PRDM16: variants seen among roughly 807,000 people sequenced by gnomAD.
PRDM16 encodes the protein histone-lysine N-methyltransferase PRDM16.
In PRDM16, 23 loss-of-function variants were observed where a neutral mutation model predicts 110.6. That is an observed-to-expected ratio of 0.21 (90% CI 0.15 to 0.29). The LOEUF is 0.29. Among genes scored for constraint, PRDM16 ranks in the 10% least tolerant of loss-of-function variants. The pLI is 1.00. For synonymous variants in PRDM16, 799 were observed against 781.8 expected, an observed-to-expected ratio of 1.02 and a Z score of -0.37; for missense variants, 1,615 against 1,794.3, an observed-to-expected ratio of 0.90 and a Z score of 1.81.
chr1:3,296,348 C>G (rs1203548613), intron 3 of PRDM16, among the ~76,000 whole-genome samples: 2 of 152,224 alleles, frequency 1.3e-5, no homozygotes, highest in African/African-American at 4.8e-5. Flanking sequence ...CAGGGAGCTG[C>G]AGAAATGGAC....
Position 3,375,570 on chromosome 1 carries a change from G to A in PRDM16, c.439-9582G>A, listed in dbSNP as rs577335036. On this transcript the variant is annotated intron_variant, in intron 3 of 16. Transcript: ENST00000270722. ...CTGCTGGGAGAGCAGTGACGGGGCC[G>A]AGTTTGGGGACATACCAGGAGCACG... Among the ~76,000 whole-genome samples, 10 of 152,344 alleles carry A rather than the reference G, an allele frequency of 6.6e-5. No homozygotes were observed. The East Asian group carries it at 1.4e-3, about 21-fold the overall frequency.
At chr1:3,299,626 A>G (rs76062426) in intron 3 of PRDM16, among the ~76,000 whole-genome samples, 13 of 66,222 alleles carry the variant, frequency 2.0e-4, no homozygotes, top group African/African-American at 3.1e-4. Context: ...GATCCCAGTC[A>G]TGGTGACTCT....
At chr1:3,268,912 A>G (rs1270120745) in intron 3 of PRDM16, among the ~76,000 whole-genome samples, 2 of 152,096 alleles carry the variant, frequency 1.3e-5, no homozygotes, top group Non-Finnish European at 2.9e-5. Flanking sequence ...CAGCTGCTGT[A>G]TTTTCATTTC....
intron 2 of PRDM16, among the ~76,000 whole-genome samples, chr1:3,238,732 G>T (rs186308726): frequency 1.3e-4 from 20 of 152,304 alleles, no homozygotes; most frequent in African/African-American, 4.6e-4. Context: ...CCTGGCCGGG[G>T]TTCAGGTGCA....
chr1:3,337,113 GCCTC>G (rs1490368565), intron 3 of PRDM16, among the ~76,000 whole-genome samples: 49 of 150,908 alleles, frequency 3.2e-4, no homozygotes, highest in African/African-American at 8.1e-4. Context: ...GTTGGTGTGA[GCCTC>G]TGTGTGAATG....
Position 3,437,028 on chromosome 1 carries a change from C to G in PRDM16, c.*3217C>G, listed in dbSNP as rs557119546. 15 of 233,068 alleles carry G rather than the reference C, an allele frequency of 6.4e-5. No individual in the cohort carries two copies. The highest frequency in any genetic ancestry group is 3.1e-4 in the African/African-American group (14 of 45,444). The allele number at this position is 233,068 out of a possible 1,614,324, so 14.4% of individuals were successfully genotyped here. ...CCTGCTCTCATCCCCAGGTTGGGCA[C>G]GTGGGGTTCCTCCTCTGTGGGCCTG... is the stretch of plus-strand genomic sequence containing the variant. On this transcript the variant is annotated 3_prime_UTR_variant, in exon 17 of 17. Transcript: ENST00000270722.
At position 3,290,105 on chromosome 1, in the gene PRDM16, T is replaced by A. The variant is rs917181657; in HGVS notation, c.438+45968T>A. Among the ~76,000 whole-genome samples the A allele has an allele frequency of 1.3e-5, 2 of 152,204 alleles. No homozygotes were observed. Among genetic ancestry groups the A allele is most frequent in the Non-Finnish European group, 2.9e-5 (2 of 68,040 alleles). On this transcript the variant is annotated intron_variant, in intron 3 of 16. Coordinates refer to ENST00000270722, the MANE Select transcript of PRDM16 (RefSeq NM_022114.4). This position sits in a 1 kb window ranked among gnomAD's most constrained non-coding sequence, Gnocchi z 4.8. ...CAGGGTGTTTTTCCTGAATGAAAAC[T>A]CACAGAGTGCATGTGTCATGCTGAT...
chr1:3,190,312 C>G lies in PRDM16; in HGVS notation c.387+3838C>G, dbSNP rs1226766595. On this transcript the variant is annotated intron_variant, in intron 2 of 16. Transcript: ENST00000270722. This position sits in a 1 kb window ranked among gnomAD's most constrained non-coding sequence, Gnocchi z 5.0. ...GGGGCAGCCTTACTTTAAGTGGGAG[C>G]TTTCCGTTAGCAACGCAGGAATGAG... Among the ~76,000 whole-genome samples, 1 of 152,102 alleles carries G rather than the reference C, an allele frequency of 6.6e-6. No individual in the cohort carries two copies. Among genetic ancestry groups the G allele is most frequent in the African/African-American group, 2.4e-5 (1 of 41,412 alleles).
Position 3,186,422 on chromosome 1 carries a change from C to A in PRDM16, c.335C>A (p.Pro112His). 1 of 1,581,072 alleles carries A rather than the reference C, an allele frequency of 6.3e-7. No homozygotes were observed. Among genetic ancestry groups the A allele is most frequent in the East Asian group, 2.2e-5 (1 of 44,494 alleles). ...RKMEAGERLG[P>H]CVVVPRAAAK... Reference sequence around the variant, plus strand: ...ATGGAAGCCGGGGAGAGGCTGGGCCCCTGCGTGGTGGTGCCCCGGGCGGCG... The same window carrying A: ...ATGGAAGCCGGGGAGAGGCTGGGCCACTGCGTGGTGGTGCCCCGGGCGGCG... The change falls in exon 2 of 17, where the codon CCC becomes CAC. Residue 112 changes from proline (P) to histidine (H), a missense_variant. Coordinates refer to ENST00000270722, the MANE Select transcript of PRDM16 (RefSeq NM_022114.4).
chr1:3,349,281 A>G (rs975951007), intron 3 of PRDM16, among the ~76,000 whole-genome samples: 1 of 152,108 alleles, frequency 6.6e-6, no homozygotes, highest in Non-Finnish European at 1.5e-5. Flanking sequence ...AGCTGGTGTC[A>G]GGGAGGAGGT....
chr1:3,364,095 G>A (rs539465885), intron 3 of PRDM16, among the ~76,000 whole-genome samples: 6 of 152,196 alleles, frequency 3.9e-5, no homozygotes, highest in African/African-American at 9.6e-5. Flanking sequence ...AGAAACTGCT[G>A]GATGAGATGC....
intron 2 of PRDM16, among the ~76,000 whole-genome samples, chr1:3,193,067 ATGGTGAGTACTGAG>A (rs1472273725): frequency 3.3e-5 from 5 of 151,570 alleles, no homozygotes; most frequent in Non-Finnish European, 7.4e-5. Context: ...CAGCGGCCAG[ATGGTGAGTACTGAG>A]CAGACGCAGC....
chr1:3,385,741 G>A (rs941998326), intron 4 of PRDM16, among the ~76,000 whole-genome samples: 48 of 149,452 alleles, frequency 3.2e-4, no homozygotes, highest in African/African-American at 1.2e-3. Flanking sequence ...CAGCCACTCG[G>A]GGGGCCTCCT....
chr1:3,404,457 G>T (rs1221727647), intron 6 of PRDM16, among the ~76,000 whole-genome samples: 1 of 152,264 alleles, frequency 6.6e-6, no homozygotes, highest in African/African-American at 2.4e-5. Flanking sequence ...TGTGGGCCGG[G>T]GTCCGGCACT....
intron 1 of PRDM16, among the ~76,000 whole-genome samples, chr1:3,129,381 G>A (rs895979415): frequency 5.6e-5 from 7 of 125,490 alleles, no homozygotes; most frequent in South Asian, 5.6e-4. Context: ...GTGTGGGTGC[G>A]TGTGCACGTG....
chr1:3,434,149 C>T lies in PRDM16; in HGVS notation c.*338C>T, dbSNP rs141427616. The T allele has an allele frequency of 1.5e-5, 5 of 328,462 alleles. No individual in the cohort carries two copies. Among genetic ancestry groups the T allele is most frequent in the East Asian group, 5.0e-5 (1 of 20,158 alleles). 20.3% of individuals were successfully genotyped at this position (328,462 alleles called of 1,614,324 possible). The stretch of plus-strand genomic sequence containing the variant: ...TGAGACAGAAGCTGGTGGCCACTGC[C>T]GGGTGCCCGCGTGGGGTCGCGGAAG... On this transcript the variant is annotated 3_prime_UTR_variant, in exon 17 of 17. Coordinates refer to ENST00000270722, the MANE Select transcript of PRDM16 (RefSeq NM_022114.4).
chr1:3,069,237 G>GA lies in PRDM16; in HGVS notation c.-22dup. On this transcript the variant is annotated 5_prime_UTR_variant, in exon 1 of 17. Coordinates refer to ENST00000270722, the MANE Select transcript of PRDM16 (RefSeq NM_022114.4). This position sits in a 1 kb window ranked among gnomAD's most constrained non-coding sequence, Gnocchi z 6.1. ...CTGCTTCTGGACTCAAGGAGGAGGA[G>GA]AGAGATTCCGCGAGCCGACACCATG... 2 of 1,577,960 alleles carry GA rather than the reference G, an allele frequency of 1.3e-6. No individual in the cohort carries two copies. Among genetic ancestry groups the GA allele is most frequent in the Non-Finnish European group, 8.6e-7 (1 of 1,162,908 alleles).
intron 1 of PRDM16, among the ~76,000 whole-genome samples, chr1:3,138,717 T>C (rs1216760877): frequency 6.6e-6 from 1 of 152,192 alleles, no homozygotes; most frequent in African/African-American, 2.4e-5. Context: ...AAGGCTTTCC[T>C]GCTCAGACCG....
rs1638951322 is a variant in PRDM16, at chr1:3,437,913, A to G, written c.*4102A>G. 1 of 220,706 alleles carries G rather than the reference A, an allele frequency of 4.5e-6. No homozygotes were observed. The highest frequency in any genetic ancestry group is 6.6e-5 in the East Asian group (1 of 15,220). The allele number at this position is 220,706 out of a possible 1,614,324, so 13.7% of individuals were successfully genotyped here. ...CCCTGGTGTCAGAGTCGTAATTTAA[A>G]GCGTGTGTGTATATGGACTTTGTCC... On this transcript the variant is annotated 3_prime_UTR_variant, in exon 17 of 17. Transcript: ENST00000270722.
Sources: gnomAD v4.1 joint callset for allele counts (sites outside exome capture counted in the v4.1 genomes callset) on GRCh38, gnomAD v4.1.1 for gene constraint, Gnocchi (gnomAD v3.1) non-coding constraint, MANE v1.5 for transcripts, NCBI Gene and HGNC (gene_info 2026-07-23, HGNC 2026-07-21) for gene names.